ROBO2: variants seen among roughly 807,000 people sequenced by gnomAD.
The protein encoded by ROBO2 is roundabout homolog 2.
ROBO2 carries 53 observed loss-of-function variants against 160.8 expected under a neutral mutation model. That is an observed-to-expected ratio of 0.33 (90% CI 0.26 to 0.41). The LOEUF (loss-of-function observed/expected upper bound fraction) is 0.41. ROBO2 is among the 10% of genes least tolerant of loss of function. ROBO2 has a pLI of 1.00. For missense variants in ROBO2, 1,577 were observed against 1,722.4 expected, an observed-to-expected ratio of 0.92 and a Z score of 1.49; for synonymous variants, 664 against 611.7, an observed-to-expected ratio of 1.09 and a Z score of -1.26.
intron 22 of ROBO2, among the ~76,000 whole-genome samples, chr3:77,620,018 G>GA (rs2094868093): frequency 5.9e-5 from 9 of 152,298 alleles, no homozygotes; most frequent in Admixed American, 5.9e-4. Context: ...GTCCCACTTA[G>GA]TAAATGCTTG....
At chr3:76,421,172 C>G (rs2075980633) in intron 2 of ROBO2, among the ~76,000 whole-genome samples, 1 of 152,112 alleles carries the variant, frequency 6.6e-6, no homozygotes, top group Non-Finnish European at 1.5e-5. Flanking sequence ...TATTTTAGCT[C>G]TACACATATT....
At chr3:76,578,184 G>C (rs2085431411) in intron 2 of ROBO2, among the ~76,000 whole-genome samples, 1 of 152,170 alleles carries the variant, frequency 6.6e-6, no homozygotes, top group Non-Finnish European at 1.5e-5. Context: ...GTCGTCATGA[G>C]TGTTAAATAA....
chr3:77,615,540 T>C (rs931574296), intron 21 of ROBO2, among the ~76,000 whole-genome samples: 3 of 152,240 alleles, frequency 2.0e-5, no homozygotes, highest in Non-Finnish European at 4.4e-5. Flanking sequence ...ATCTTTTTCC[T>C]GTCTCCGTAG....
At chr3:76,708,355 G>T (rs1332689814) in intron 2 of ROBO2, among the ~76,000 whole-genome samples, 4 of 152,130 alleles carry the variant, frequency 2.6e-5, no homozygotes, top group African/African-American at 9.7e-5. Flanking sequence ...GAAGCACAAC[G>T]GTTTGGCAGT....
chr3:77,604,682 A>G (rs1397530891), intron 20 of ROBO2, among the ~76,000 whole-genome samples: 1 of 152,090 alleles, frequency 6.6e-6, no homozygotes, highest in Non-Finnish European at 1.5e-5. Flanking sequence ...GTTTAGTTCA[A>G]TTGAGTTTAA....
chr3:76,042,487 G>A (rs186254911), intron 2 of ROBO2, among the ~76,000 whole-genome samples: 3 of 152,126 alleles, frequency 2.0e-5, no homozygotes, highest in African/African-American at 7.2e-5. Flanking sequence ...ATAGGTTTAA[G>A]TGTTTTTTAT....
intron 2 of ROBO2, among the ~76,000 whole-genome samples, chr3:76,262,923 T>C (rs1331905091): frequency 6.6e-6 from 1 of 152,130 alleles, no homozygotes; most frequent in African/African-American, 2.4e-5. Context: ...GAAATTCAAG[T>C]TTTTATATAA....
At chr3:76,871,470 C>T (rs1049864474) in intron 2 of ROBO2, among the ~76,000 whole-genome samples, 1 of 148,274 alleles carries the variant, frequency 6.7e-6, no homozygotes, top group African/African-American at 2.5e-5. Context: ...AGGAGAATGG[C>T]GTGAACCCGG....
At chr3:76,092,737 A>T (rs544812306) in intron 2 of ROBO2, among the ~76,000 whole-genome samples, 1 of 152,298 alleles carries the variant, frequency 6.6e-6, no homozygotes, top group South Asian at 2.1e-4. Flanking sequence ...TTTATTTAAG[A>T]ATTGTTGCCA....
chr3:77,328,676 C>A (rs544220859), intron 2 of ROBO2, among the ~76,000 whole-genome samples: 1 of 152,218 alleles, frequency 6.6e-6, no homozygotes, highest in African/African-American at 2.4e-5. Context: ...AGTTCAGAAC[C>A]TTTTCACATT....
intron 2 of ROBO2, among the ~76,000 whole-genome samples, chr3:76,058,358 G>A (rs1407256438): frequency 1.3e-5 from 2 of 151,896 alleles, no homozygotes; most frequent in Non-Finnish European, 2.9e-5. Flanking sequence ...GCGGTGTTTG[G>A]TTTTCTGTAA....
chr3:75,987,055 C>T (rs918635255), intron 2 of ROBO2, among the ~76,000 whole-genome samples: 1 of 151,346 alleles, frequency 6.6e-6, no homozygotes, highest in Admixed American at 6.6e-5. Flanking sequence ...ATTTGGTGTC[C>T]CTTGATTTTT....
At chr3:76,552,057 C>G (rs2083454779) in intron 2 of ROBO2, among the ~76,000 whole-genome samples, 1 of 152,152 alleles carries the variant, frequency 6.6e-6, no homozygotes, top group African/African-American at 2.4e-5. Flanking sequence ...GCTGGCACGG[C>G]AACACCCCAC....
At chr3:76,679,613 T>C (rs1020733146) in intron 2 of ROBO2, among the ~76,000 whole-genome samples, 1 of 152,170 alleles carries the variant, frequency 6.6e-6, no homozygotes, top group South Asian at 2.1e-4. Flanking sequence ...ACTTACCTTC[T>C]TCAGCCTGCT....
intron 2 of ROBO2, among the ~76,000 whole-genome samples, chr3:76,923,896 C>A (rs1352657528): frequency 6.6e-6 from 1 of 152,158 alleles, no homozygotes; most frequent in East Asian, 1.9e-4. Flanking sequence ...GTTTGTGTTA[C>A]CGGGAAGTGG....
intron 4 of ROBO2, 112 bp downstream of exon 4, chr3:77,481,331 G>A (rs1338967517): frequency 6.8e-6 from 5 of 735,562 alleles, no homozygotes; most frequent in Non-Finnish European, 9.7e-6. Context: ...CATGACTCAT[G>A]GTAAGCAGTG....
At chr3:76,656,249 A>G (rs2091519577) in intron 2 of ROBO2, among the ~76,000 whole-genome samples, 2 of 152,184 alleles carry the variant, frequency 1.3e-5, no homozygotes, top group South Asian at 2.1e-4. Flanking sequence ...AGTAACTGAA[A>G]GTTCATTGTT....
intron 2 of ROBO2, among the ~76,000 whole-genome samples, chr3:77,297,575 G>A (rs2062260839): frequency 6.6e-6 from 1 of 152,100 alleles, no homozygotes; most frequent in African/African-American, 2.4e-5. Flanking sequence ...GCCTCCTCTG[G>A]AAGCTTGCCA....
chr3:76,726,931 G>T (rs2093561157), intron 2 of ROBO2, among the ~76,000 whole-genome samples: 1 of 152,120 alleles, frequency 6.6e-6, no homozygotes. Context: ...GTAGAAAAGG[G>T]GTTCCGATGT....
Sources: allele counts gnomAD v4.1 joint callset (sites outside exome capture counted in the v4.1 genomes callset), GRCh38; gene constraint gnomAD v4.1.1; transcripts MANE v1.5; gene names NCBI Gene and HGNC (gene_info 2026-07-23, HGNC 2026-07-21).